The following PHLPP2 variants were observed in gnomAD, a reference collection of about 807,000 sequenced individuals.
PHLPP2 encodes PH domain and leucine rich repeat protein phosphatase 2.
PHLPP2 carries 66 observed loss-of-function variants against 124.9 expected under a neutral mutation model. The ratio of observed to expected loss-of-function variants is 0.53; its 90% confidence interval spans 0.43 to 0.65. The LOEUF is 0.65. PHLPP2 is among the 30% of genes least tolerant of loss of function. The pLI is 0.00. For missense variants in PHLPP2, 1,685 were observed against 1,600.4 expected, an observed-to-expected ratio of 1.05 and a Z score of -0.90; for synonymous variants, 681 against 624.7, an observed-to-expected ratio of 1.09 and a Z score of -1.34.
At chr16:71,675,369 T>G (rs1366164370) in intron 9 of PHLPP2, among the ~76,000 whole-genome samples, 1 of 152,218 alleles carries the variant, frequency 6.6e-6, no homozygotes, top group Non-Finnish European at 1.5e-5. Flanking sequence ...TAAAGAACTT[T>G]CCATAAAAAG....
Position 71,713,343 on chromosome 16 carries a change from AAAGT to A in PHLPP2, c.284+1165_284+1168del, listed in dbSNP as rs1478406733. 5.9e-5 allele frequency among the ~76,000 whole-genome samples: 9 copies of A among 152,310 alleles called. No individual in the cohort carries two copies. In the Middle Eastern group the frequency reaches 0.01, roughly 173 times the overall value. On this transcript the variant is annotated intron_variant, in intron 2 of 18. Transcript: ENST00000568954. Reference sequence around the variant, plus strand: ...AATTTACTACTAACATATTTTTGAGAAAGTAAGGAGAAAATAGATATACTTTCAT... The same window carrying A: ...AATTTACTACTAACATATTTTTGAGAAAGGAGAAAATAGATATACTTTCAT...
In PHLPP2 at chr16:71,658,660, T is replaced by G; in HGVS notation, c.2141A>C (p.Gln714Pro). 1 of 1,614,114 alleles carries G rather than the reference T, an allele frequency of 6.2e-7. No homozygotes were observed. The highest frequency in any genetic ancestry group is 2.2e-5 in the East Asian group (1 of 44,884). The change falls in exon 14 of 19, where the codon CAG (glutamine) becomes CCG (proline). Residue 714 changes from glutamine to proline, a missense_variant. Physicochemically the swap from Gln to Pro is moderately conservative, Grantham distance 76. Transcript: ENST00000568954. ...TCCAGCACACAGAAGTACCTGGATC[T>G]GAGGCAACTGCAGTATTTCTGGGAA... Reference protein sequence around the residue: ...SIFPEILQLPQIQFVDLSCND... With the variant: ...SIFPEILQLPPIQFVDLSCND...
intron 15 of PHLPP2, 45 bp downstream of exon 15, chr16:71,658,188 G>C: frequency 6.4e-7 from 1 of 1,565,192 alleles, no homozygotes; most frequent in East Asian, 2.2e-5. Context: ...CACATGGCTG[G>C]TGGGCTAAGA....
At chr16:71,681,236 T>A (rs1395045865) in intron 6 of PHLPP2, among the ~76,000 whole-genome samples, 2 of 152,122 alleles carry the variant, frequency 1.3e-5, no homozygotes, top group Admixed American at 1.3e-4. Context: ...ATGGGGTATA[T>A]ATTTTAATAA....
At chr16:71,714,146 AC>A (rs1386315594) in intron 2 of PHLPP2, among the ~76,000 whole-genome samples, 4 of 151,946 alleles carry the variant, frequency 2.6e-5, no homozygotes. Flanking sequence ...CGCCATGTTG[AC>A]CAGGCTGGTC....
rs773750006 is a variant in PHLPP2 at position 71,649,127 on chromosome 16, A to G, written c.3735T>C (p.Ile1245=). 3 of 1,613,930 alleles carry G rather than the reference A, an allele frequency of 1.9e-6. No homozygotes were observed. The East Asian group carries it at 6.7e-5, about 36-fold the overall frequency. The change falls in exon 19 of 19, where the codon ATT becomes ATC. Residue 1245 remains isoleucine, a synonymous_variant. Transcript: ENST00000568954. ...LYGKKLSNGS[I]VPLEDSLNLI... ...GGTTCAGGCTGTCCTCTAGGGGCACAATAGAGCCATTGGAGAGTTTCTTCC... is the reference window on the plus strand; with the variant it reads ...GGTTCAGGCTGTCCTCTAGGGGCACGATAGAGCCATTGGAGAGTTTCTTCC...
At chr16:71,713,085 C>T (rs1168291432) in intron 2 of PHLPP2, among the ~76,000 whole-genome samples, 1 of 152,118 alleles carries the variant, frequency 6.6e-6, no homozygotes, top group African/African-American at 2.4e-5. Flanking sequence ...TTTCAACACA[C>T]AAATGGCTTT....
chr16:71,693,106 T>C (rs558289395), intron 3 of PHLPP2, among the ~76,000 whole-genome samples: 153 of 152,110 alleles, frequency 1.0e-3, no homozygotes, highest in Non-Finnish European at 1.7e-3. Context: ...CTGACCAACA[T>C]GGAAACCCCA....
At chr16:71,694,942 G>T (rs904301772) in intron 3 of PHLPP2, among the ~76,000 whole-genome samples, 1 of 151,824 alleles carries the variant, frequency 6.6e-6, no homozygotes, top group African/African-American at 2.4e-5. Flanking sequence ...CTGCCACCAC[G>T]CCCGGCTAAT....
chr16:71,669,268 C>T lies in PHLPP2; in HGVS notation c.1628+7G>A. 6.3e-7 allele frequency: 1 copy of T among 1,581,918 alleles called. No homozygotes were observed. The highest frequency in any genetic ancestry group is 8.7e-7 in the Non-Finnish European group (1 of 1,152,872). ...TATACATAATATATGCATCCAGGCA[C>T]ACATACCTCACGGGAACCTCTGTGA... On this transcript the variant is annotated splice_region_variant and intron_variant, in intron 11 of 18. Coordinates refer to ENST00000568954, the MANE Select transcript of PHLPP2 (RefSeq NM_015020.3).
intron 14 of PHLPP2, 65 bp from the exon 15 acceptor site, chr16:71,658,428 G>T (rs967964569): frequency 4.0e-5 from 58 of 1,445,910 alleles, no homozygotes; most frequent in Non-Finnish European, 5.5e-5. Flanking sequence ...ACTCCCAAGT[G>T]TCCAATCTCT....
At chr16:71,715,465 C>G (rs2045356167) in intron 1 of PHLPP2, 1 of 152,004 alleles carries the variant, frequency 6.6e-6, no homozygotes, top group Admixed American at 6.6e-5. Context: ...CACCTGAGGT[C>G]AGGAATTCGA....
chr16:71,695,084 C>G (rs2045155994), intron 3 of PHLPP2, among the ~76,000 whole-genome samples: 1 of 152,026 alleles, frequency 6.6e-6, no homozygotes, highest in Non-Finnish European at 1.5e-5. Context: ...CGTGCCCAGC[C>G]AAGACCATCA....
intron 12 of PHLPP2, among the ~76,000 whole-genome samples, chr16:71,665,032 G>A (rs1049686670): frequency 2.1e-4 from 32 of 151,664 alleles, no homozygotes; most frequent in African/African-American, 7.0e-4. Flanking sequence ...ACTTCCGGCT[G>A]GGCGAGGTGG....
intron 5 of PHLPP2, among the ~76,000 whole-genome samples, chr16:71,683,713 A>G (rs1270863172): frequency 1.3e-5 from 2 of 152,208 alleles, no homozygotes; most frequent in Non-Finnish European, 2.9e-5. Context: ...TTTACTCATT[A>G]TATACTCAGA....
intron 2 of PHLPP2, among the ~76,000 whole-genome samples, chr16:71,707,112 GC>G (rs1356666913): frequency 2.6e-5 from 4 of 151,348 alleles, no homozygotes; most frequent in Non-Finnish European, 5.9e-5. Context: ...CCGCCACCTC[GC>G]CCGGCTAATT....
intron 11 of PHLPP2, 63 bp from the exon 12 acceptor site, chr16:71,667,396 G>T: frequency 7.8e-7 from 1 of 1,289,584 alleles, no homozygotes; most frequent in Non-Finnish European, 1.1e-6. Context: ...TTCTGAGGCT[G>T]TCCTAGCCTA....
At chr16:71,723,640 G>A (rs2045412602) in intron 1 of PHLPP2, 2 of 386,644 alleles carry the variant, frequency 5.2e-6, no homozygotes, top group Non-Finnish European at 8.4e-6. Context: ...ACGCCGGGCG[G>A]GGGCCGCCGA....
chr16:71,696,015 G>A lies in PHLPP2; in HGVS notation c.419-5306C>T, dbSNP rs575369955. ...ATGACACCATAGTCATATTACACTT[G>A]TGTAGTTAAACACCCAATGTTTTAA... On this transcript the variant is annotated intron_variant, in intron 3 of 18. Transcript: ENST00000568954. Among the ~76,000 whole-genome samples the A allele has an allele frequency of 2.0e-5, 3 of 152,166 alleles. No homozygotes were observed. The East Asian group carries it at 5.8e-4, about 29-fold the overall frequency.
Sources: gnomAD v4.1 joint callset for allele counts (sites outside exome capture counted in the v4.1 genomes callset) on GRCh38, gnomAD v4.1.1 for gene constraint, MANE v1.5 for transcripts, NCBI Gene and HGNC (gene_info 2026-07-23, HGNC 2026-07-21) for gene names.